The following DLG2 variants were observed in gnomAD, a reference collection of about 807,000 sequenced individuals.
DLG2 encodes the protein disks large homolog 2.
Under a neutral mutation model 132.5 loss-of-function variants are expected in DLG2, and 45 were observed. The observed-to-expected ratio is 0.34, with a 90% CI of 0.27 to 0.44. The LOEUF (loss-of-function observed/expected upper bound fraction) is 0.44, where lower values mean the gene tolerates loss of function less well. DLG2 is among the 20% of genes least tolerant of loss of function. The pLI is 1.00. For missense variants in DLG2, 1,045 were observed against 1,196.9 expected (o/e 0.87, Z 1.87); for synonymous variants, 424 against 419.6 (o/e 1.01, Z -0.13).
At chr11:83,898,452 C>T (rs560888495) in intron 15 of DLG2, among the ~76,000 whole-genome samples, 52 of 151,954 alleles carry the variant, frequency 3.4e-4, no homozygotes, top group Middle Eastern at 7.2e-3. Context: ...AAAGTCATAA[C>T]GACATTTTCT....
intron 16 of DLG2, among the ~76,000 whole-genome samples, chr11:83,846,983 A>G (rs1426374125): frequency 3.8e-5 from 5 of 131,806 alleles, no homozygotes; most frequent in African/African-American, 1.4e-4. Flanking sequence ...TTTTTCTTTT[A>G]TTTCATAATG....
intron 6 of DLG2, among the ~76,000 whole-genome samples, chr11:85,066,338 AG>A (rs1172580883): frequency 6.6e-6 from 1 of 151,728 alleles, no homozygotes; most frequent in Non-Finnish European, 1.5e-5. Flanking sequence ...CCAGTGACAG[AG>A]GGATTCATAG....
Position 84,565,550 on chromosome 11 carries a change from A to G in DLG2, c.358-30819T>C, listed in dbSNP as rs536966957. Reference sequence around the variant, plus strand: ...GGTTTCCAACCCTTAGAAAAACAGCACAATACCTAGAACATAGTATGTGCT... The same window carrying G: ...GGTTTCCAACCCTTAGAAAAACAGCGCAATACCTAGAACATAGTATGTGCT... On this transcript the variant is annotated intron_variant, in intron 6 of 27. Transcript: ENST00000376104. 2.4e-3 allele frequency among the ~76,000 whole-genome samples: 360 copies of G among 152,298 alleles called. 3 individuals are homozygous for G. Among genetic ancestry groups the G allele is most frequent in the South Asian group, 0.015 (72 of 4,826 alleles).
chr11:83,698,046 C>A (rs1438149218), intron 18 of DLG2, among the ~76,000 whole-genome samples: 1 of 152,212 alleles, frequency 6.6e-6, no homozygotes, highest in Non-Finnish European at 1.5e-5. Context: ...CTAGCTGCTA[C>A]AAACTTGGAT....
intron 6 of DLG2, among the ~76,000 whole-genome samples, chr11:84,991,035 T>TA: frequency 6.6e-6 from 1 of 152,200 alleles, no homozygotes. Flanking sequence ...TACTCAGCAA[T>TA]AAAAAAGAAT....
chr11:84,513,042 G>T (rs2154514483), intron 7 of DLG2, among the ~76,000 whole-genome samples: 1 of 152,072 alleles, frequency 6.6e-6, no homozygotes, highest in East Asian at 1.9e-4. Context: ...CTCATGCGGG[G>T]CTTAAAACCT....
intron 3 of DLG2, among the ~76,000 whole-genome samples, chr11:85,532,776 A>T (rs1331547857): frequency 6.6e-6 from 1 of 152,224 alleles, no homozygotes; most frequent in Admixed American, 6.5e-5. Context: ...AAAGGCTCTG[A>T]GTAGATAACT....
chr11:84,364,868 A>G (rs191537638), intron 7 of DLG2, among the ~76,000 whole-genome samples: 44 of 152,288 alleles, frequency 2.9e-4, no homozygotes, highest in African/African-American at 9.4e-4. Flanking sequence ...AGCTCACTTG[A>G]TCATGGTGGA....
At chr11:84,672,111 C>A (rs1318408167) in intron 6 of DLG2, among the ~76,000 whole-genome samples, 2 of 152,110 alleles carry the variant, frequency 1.3e-5, no homozygotes, top group Admixed American at 6.6e-5. Flanking sequence ...TATAATGGAA[C>A]AAATCATAGT....
intron 6 of DLG2, among the ~76,000 whole-genome samples, chr11:84,885,195 T>C (rs1296905123): frequency 1.3e-5 from 2 of 151,980 alleles, no homozygotes; most frequent in Non-Finnish European, 1.5e-5. Context: ...GTTGTTTGCA[T>C]ACTGGAGGAC....
intron 7 of DLG2, among the ~76,000 whole-genome samples, chr11:84,270,597 G>C (rs2097708144): frequency 6.6e-6 from 1 of 152,148 alleles, no homozygotes. Flanking sequence ...TTAGTTCACA[G>C]AACTACATTG....
chr11:83,562,822 G>A (rs1227436603), intron 19 of DLG2, among the ~76,000 whole-genome samples: 1 of 151,910 alleles, frequency 6.6e-6, no homozygotes, highest in Non-Finnish European at 1.5e-5. Flanking sequence ...AACTAATATG[G>A]AACAAATCTG....
chr11:83,887,513 C>T (rs2068283479), intron 15 of DLG2, among the ~76,000 whole-genome samples: 1 of 152,120 alleles, frequency 6.6e-6, no homozygotes, highest in Non-Finnish European at 1.5e-5. Context: ...CGAATTCTAC[C>T]AGAGGTATAA....
At chr11:84,844,135 G>GTATATATATA (rs74200849) in intron 6 of DLG2, among the ~76,000 whole-genome samples, 39 of 43,690 alleles carry the variant, frequency 8.9e-4, no homozygotes, top group East Asian at 5.6e-3. Context: ...GTGTGTGTGT[G>GTATATATATA]TATATATATA....
At chr11:85,300,020 T>A (rs2079488138) in intron 3 of DLG2, among the ~76,000 whole-genome samples, 1 of 152,210 alleles carries the variant, frequency 6.6e-6, no homozygotes, top group Admixed American at 6.5e-5. Context: ...GGTTCATCTT[T>A]CCCACCTTTT....
chr11:85,250,952 T>C (rs2076368869), intron 4 of DLG2, among the ~76,000 whole-genome samples: 1 of 152,206 alleles, frequency 6.6e-6, no homozygotes, highest in Non-Finnish European at 1.5e-5. Flanking sequence ...AGGGTGTCAT[T>C]GGAGTGGTCA....
chr11:84,934,502 GTGTTTTTTTTTTGTTT>G (rs2048455838), intron 6 of DLG2, among the ~76,000 whole-genome samples: 6 of 65,720 alleles, frequency 9.1e-5, no homozygotes, highest in African/African-American at 4.0e-4. Flanking sequence ...ATGGTCCTGG[GTGTTTTTTTTTTGTTT>G]TGTTTTGTTT....
chr11:83,924,660 T>C (rs1213858103), intron 15 of DLG2, among the ~76,000 whole-genome samples: 1 of 152,158 alleles, frequency 6.6e-6, no homozygotes, highest in Non-Finnish European at 1.5e-5. Flanking sequence ...AGTTCTTTAA[T>C]ACAAATTAAA....
At chr11:85,027,611 C>T (rs2060644437) in intron 6 of DLG2, among the ~76,000 whole-genome samples, 1 of 152,232 alleles carries the variant, frequency 6.6e-6, no homozygotes. Context: ...CTGTGCACAG[C>T]CACGCATGCT....
Sources: allele counts gnomAD v4.1 joint callset (sites outside exome capture counted in the v4.1 genomes callset), GRCh38; gene constraint gnomAD v4.1.1; transcripts MANE v1.5; gene names NCBI Gene and HGNC (gene_info 2026-07-23, HGNC 2026-07-21).